The following GALNT13 variants were observed in gnomAD, a reference collection of about 807,000 sequenced individuals.
GALNT13 encodes the protein UDP-GalNAc:polypeptide N-acetylgalactosaminyltransferase 13.
GALNT13 carries 28 observed loss-of-function variants against 64.2 expected under a neutral mutation model. The ratio of observed to expected loss-of-function variants is 0.44; its 90% CI spans 0.32 to 0.60. The LOEUF (loss-of-function observed/expected upper bound fraction) is 0.60, where lower values mean the gene tolerates loss of function less well. GALNT13 is among the 20% of genes least tolerant of loss of function. The probability of loss-of-function intolerance (pLI) is 0.05; values close to 1 mark genes in which losing one functional copy is unlikely to be tolerated. For missense variants in GALNT13, 577 were observed against 669.8 expected (o/e 0.86, Z 1.53); for synonymous variants, 214 against 224.6 (o/e 0.95, Z 0.42).
intron 1 of GALNT13, among the ~76,000 whole-genome samples, chr2:153,898,877 G>A (rs1004672117): frequency 2.6e-3 from 366 of 138,532 alleles, no homozygotes; most frequent in African/African-American, 9.5e-3. Flanking sequence ...AAAAAAAAAT[G>A]ATGGCAATTC....
chr2:153,134,754 C>G, the GALNT13 span, among the ~76,000 whole-genome samples: 2 of 152,130 alleles, frequency 1.3e-5, no homozygotes. Flanking sequence ...TTCTTGACTC[C>G]TTTCTCTTTT....
intron 8 of GALNT13, among the ~76,000 whole-genome samples, chr2:154,278,838 CA>C (rs1691800037): frequency 1.3e-5 from 2 of 151,372 alleles, no homozygotes; most frequent in South Asian, 4.2e-4. Context: ...CATTTGCCCG[CA>C]AATAAGAAGG....
intron 1 of GALNT13, among the ~76,000 whole-genome samples, chr2:153,895,246 G>C (rs1287371739): frequency 6.6e-6 from 1 of 152,066 alleles, no homozygotes; most frequent in African/African-American, 2.4e-5. Flanking sequence ...TGGAATAGTT[G>C]TTTGTATTGT....
At chr2:153,718,368 C>A in the GALNT13 span, among the ~76,000 whole-genome samples, 1 of 151,896 alleles carries the variant, frequency 6.6e-6, no homozygotes, top group East Asian at 1.9e-4. Context: ...CTCTTAATCA[C>A]CCGTGTCTGT....
At chr2:153,477,950 C>T in the GALNT13 span, 2 of 458,118 alleles carry the variant, frequency 4.4e-6, no homozygotes, top group Admixed American at 3.7e-5. Context: ...CCGTCGGTCT[C>T]CCCGCATTCC....
chr2:154,403,842 C>T (rs2105379133), intron 10 of GALNT13, among the ~76,000 whole-genome samples: 1 of 152,186 alleles, frequency 6.6e-6, no homozygotes, highest in East Asian at 1.9e-4. Flanking sequence ...CACTGCCTCC[C>T]TGTCTGGAAG....
intron 9 of GALNT13, among the ~76,000 whole-genome samples, chr2:154,380,417 T>A (rs957996753): frequency 6.6e-6 from 1 of 152,094 alleles, no homozygotes; most frequent in East Asian, 1.9e-4. Flanking sequence ...ATATCTTTTT[T>A]AATGTAGCCT....
At chr2:153,943,728 C>T (rs1449616855) in intron 2 of GALNT13, among the ~76,000 whole-genome samples, 1 of 152,162 alleles carries the variant, frequency 6.6e-6, no homozygotes, top group Non-Finnish European at 1.5e-5. Flanking sequence ...CTCCTGACCT[C>T]AGGTGATCCG....
the GALNT13 span, among the ~76,000 whole-genome samples, chr2:153,765,769 C>T: frequency 5.6e-3 from 854 of 152,210 alleles, 25 homozygotes; most frequent in Admixed American, 0.042. Flanking sequence ...CCCTCATGTC[C>T]AGGGTGGGGC....
At chr2:154,269,621 G>T (rs889593326) in intron 8 of GALNT13, among the ~76,000 whole-genome samples, 1 of 151,102 alleles carries the variant, frequency 6.6e-6, no homozygotes, top group African/African-American at 2.4e-5. Flanking sequence ...AAAGAATGCA[G>T]ACCAATCTTA....
the GALNT13 span, among the ~76,000 whole-genome samples, chr2:153,734,524 C>T: frequency 6.6e-6 from 1 of 152,008 alleles, no homozygotes; most frequent in East Asian, 1.9e-4. Context: ...AACTGCAGGC[C>T]CTCTAGTTAT....
At chr2:153,991,169 G>T (rs1393272067) in intron 3 of GALNT13, among the ~76,000 whole-genome samples, 1 of 152,130 alleles carries the variant, frequency 6.6e-6, no homozygotes, top group Non-Finnish European at 1.5e-5. Context: ...AAGCCTAACT[G>T]GGAGAAGAAC....
chr2:153,157,512 G>A, the GALNT13 span, among the ~76,000 whole-genome samples: 6 of 152,054 alleles, frequency 3.9e-5, no homozygotes, highest in East Asian at 1.9e-4. Context: ...CAAGCTAAAC[G>A]TTACACAGCA....
At chr2:153,760,358 G>A in the GALNT13 span, among the ~76,000 whole-genome samples, 2 of 151,610 alleles carry the variant, frequency 1.3e-5, no homozygotes, top group African/African-American at 4.8e-5. Flanking sequence ...TATTTGAGGT[G>A]TAACATTAAG....
the GALNT13 span, among the ~76,000 whole-genome samples, chr2:153,501,296 T>G: frequency 6.6e-6 from 1 of 151,478 alleles, no homozygotes; most frequent in East Asian, 1.9e-4. Flanking sequence ...ACCTCCTTTT[T>G]TGTTGTTGTT....
At chr2:154,437,533 A>G in intron 11 of GALNT13, 1 of 1,283,616 alleles carries the variant, frequency 7.8e-7, no homozygotes. Flanking sequence ...AGTTAAAAGA[A>G]GAAAACACAT....
chr2:153,238,558 G>A, the GALNT13 span, among the ~76,000 whole-genome samples: 5 of 152,016 alleles, frequency 3.3e-5, no homozygotes, highest in African/African-American at 1.2e-4. Context: ...TGGATATCCA[G>A]TTTCCCCAGC....
chr2:154,397,147 A>C (rs963268400), intron 10 of GALNT13, among the ~76,000 whole-genome samples: 2 of 152,092 alleles, frequency 1.3e-5, no homozygotes, highest in East Asian at 3.9e-4. Context: ...TTCAAGAGCA[A>C]TAAATAGGCC....
chr2:153,937,405 A>G (rs943565887), intron 2 of GALNT13, among the ~76,000 whole-genome samples: 6 of 152,232 alleles, frequency 3.9e-5, no homozygotes, highest in Non-Finnish European at 7.3e-5. Flanking sequence ...TGTATGATTC[A>G]ATTTGTATGA....
Sources: allele counts gnomAD v4.1 joint callset (sites outside exome capture counted in the v4.1 genomes callset), GRCh38; gene constraint gnomAD v4.1.1; transcripts MANE v1.5; gene names NCBI Gene and HGNC (gene_info 2026-07-23, HGNC 2026-07-21).